CFAP74: variants seen among roughly 807,000 people sequenced by gnomAD.
CFAP74 encodes cilia- and flagella-associated protein 74.
A neutral mutation model predicts 188.9 loss-of-function variants in CFAP74; 124 were observed. The ratio of observed to expected loss-of-function variants is 0.66; its 90% CI spans 0.57 to 0.76. CFAP74 has a LOEUF of 0.76. Among genes scored for constraint, CFAP74 ranks in the 30% least tolerant of loss-of-function variants. The pLI, the probability that CFAP74 is intolerant of heterozygous loss-of-function variation, is 0.00. For missense variants in CFAP74, 2,198 were observed against 2,165.2 expected, an observed-to-expected ratio of 1.02 and a Z score of -0.30; for synonymous variants, 956 against 916.7, an observed-to-expected ratio of 1.04 and a Z score of -0.77.
chr1:2,003,144 C>T (rs1467542867), intron 1 of CFAP74, among the ~76,000 whole-genome samples: 2 of 152,138 alleles, frequency 1.3e-5, no homozygotes, highest in Non-Finnish European at 2.9e-5. Context: ...TATAACCAAT[C>T]TCTAAGTCGC....
chr1:1,946,279 C>T, intron 20 of CFAP74, 38 bp downstream of exon 20: 1 of 1,509,016 alleles, frequency 6.6e-7, no homozygotes, highest in Non-Finnish European at 8.9e-7. Flanking sequence ...GAGGCAGGGG[C>T]CAGGGTGTGT....
At position 1,970,726 on chromosome 1, in the gene CFAP74, G is replaced by A; in HGVS notation, c.979C>T (p.Gln327Ter). The A allele has an allele frequency of 6.2e-7, 1 of 1,614,142 alleles. No individual in the cohort carries two copies. The highest frequency in any genetic ancestry group is 8.5e-7 in the Non-Finnish European group (1 of 1,179,998). Residue 327 changes from glutamine (Q) to a stop codon, truncating the protein, a stop_gained, in exon 10 of 39, where the codon CAG becomes TAG. Transcript: ENST00000682832. LOFTEE classifies it high-confidence loss of function. ...AGGTGCCTGAATGCATCCCTGCCCT[G>A]GGCCAGAATCGCCTTCTTCTCAGCC... ...VQAEKKAILA[Q>*]GRDAFRHLVH...
chr1:1,924,875 C>T (rs1475262328), intron 33 of CFAP74, among the ~76,000 whole-genome samples: 1 of 152,276 alleles, frequency 6.6e-6, no homozygotes, highest in African/African-American at 2.4e-5. Flanking sequence ...TTAGAGCACC[C>T]TTTCTCCATG....
At chr1:1,948,105 T>TCAGG in intron 18 of CFAP74, among the ~76,000 whole-genome samples, 1 of 151,816 alleles carries the variant, frequency 6.6e-6, no homozygotes, top group African/African-American at 2.4e-5. Context: ...ACTCCTGACC[T>TCAGG]TGTGATCTGC....
chr1:1,930,406 G>GC (rs1231973375), intron 25 of CFAP74, 70 bp from the exon 26 acceptor site: 3 of 1,425,780 alleles, frequency 2.1e-6, no homozygotes, highest in African/African-American at 1.4e-5. Context: ...AGGCGCGGGG[G>GC]CCACTGGGTG....
intron 23 of CFAP74, 40 bp downstream of exon 23, chr1:1,940,276 A>C: frequency 6.8e-7 from 1 of 1,470,784 alleles, no homozygotes; most frequent in African/African-American, 1.4e-5. Context: ...CCTGCTACCC[A>C]GGAGCGCCCA....
At position 1,966,347 on chromosome 1, in the gene CFAP74, G is replaced by A. The variant is rs377223989; in HGVS notation, c.1401+24C>T. On this transcript the variant is annotated intron_variant, in intron 12 of 38. Transcript: ENST00000682832. ...AGAGGGCCGGGGTCCGTCTGCAAGC[G>A]TCTAAAGGAGCAGGAGCTGATACCT... 277 of 1,484,268 alleles carry A rather than the reference G, an allele frequency of 1.9e-4. 1 individual carries two copies. In the South Asian group the frequency reaches 3.1e-3, roughly 16 times the overall value. 91.9% of individuals were successfully genotyped at this position (1,484,268 alleles called of 1,614,324 possible). A position where few individuals can be genotyped will look rare whatever the true frequency, so the allele number is the denominator to read the frequency against.
intron 20 of CFAP74, among the ~76,000 whole-genome samples, chr1:1,944,871 G>T (rs545205320): frequency 6.6e-6 from 1 of 152,156 alleles, no homozygotes; most frequent in Non-Finnish European, 1.5e-5. Flanking sequence ...CTCCCAAAGT[G>T]CAGGGATTAC....
chr1:1,922,154 T>G lies in CFAP74; in HGVS notation c.*133A>C. ...GCAGCAGGAAGTGGCCGTGGCGCCA[T>G]GTGGAGGGCGGCCTATTGGAATCTG... is the stretch of plus-strand genomic sequence containing the variant. On this transcript the variant is annotated 3_prime_UTR_variant, in exon 39 of 39. Transcript: ENST00000682832. 2 of 621,052 alleles carry G rather than the reference T, an allele frequency of 3.2e-6. No individual in the cohort carries two copies. The highest frequency in any genetic ancestry group is 2.7e-6 in the Non-Finnish European group (1 of 368,134). The allele number at this position is 621,052 out of a possible 1,614,324, so 38.5% of individuals were successfully genotyped here.
chr1:1,959,140 A>G lies in CFAP74; in HGVS notation c.1831T>C (p.Cys611Arg). The G allele has an allele frequency of 1.9e-6, 3 of 1,611,534 alleles. No homozygotes were observed. The highest frequency in any genetic ancestry group is 1.1e-5 in the South Asian group (1 of 91,026). ...QTGEFSVPLKCSTKKCSLSLD... is the reference protein window; with the variant it reads ...QTGEFSVPLKRSTKKCSLSLD... Reference sequence around the variant, plus strand: ...CTCACCGAACATTTCTTTGTTGAACATTTCAGTGGAACTGAAAACTCGCCC... The same window carrying G: ...CTCACCGAACATTTCTTTGTTGAACGTTTCAGTGGAACTGAAAACTCGCCC... Residue 611 changes from cysteine to arginine, a missense_variant, in exon 16 of 39, where the codon TGT becomes CGT. Physicochemically the swap from Cys to Arg is radical, Grantham distance 180. Coordinates refer to ENST00000682832, the MANE Select transcript of CFAP74 (RefSeq NM_001304360.2).
At chr1:1,939,891 C>T (rs762016160) in intron 23 of CFAP74, 124 bp from the exon 24 acceptor site, 136 of 942,436 alleles carry the variant, frequency 1.4e-4, no homozygotes, top group Middle Eastern at 2.5e-4. Context: ...CAGGACACGA[C>T]GAGGCCGTCT....
chr1:1,940,935 A>AC (rs1225834801), intron 22 of CFAP74, among the ~76,000 whole-genome samples: 1 of 151,946 alleles, frequency 6.6e-6, no homozygotes, highest in East Asian at 1.9e-4. Flanking sequence ...ACACGGTGAA[A>AC]CCCCATCTCT....
In CFAP74 at chr1:1,923,162, AG is replaced by A; in HGVS notation, c.4523-18del. ...GGGAGCTGGCTGGAGGGGTGTGGCCAGGGGAGCTGTTCAGGGTCAGGCTGAG... is the reference window on the plus strand; with the variant it reads ...GGGAGCTGGCTGGAGGGGTGTGGCCAGGGAGCTGTTCAGGGTCAGGCTGAG... On this transcript the variant is annotated intron_variant, in intron 36 of 38. Coordinates refer to ENST00000682832, the MANE Select transcript of CFAP74 (RefSeq NM_001304360.2). The surrounding 1 kb of genome is among the most constrained non-coding windows in gnomAD (Gnocchi z 6.3). 6.3e-7 allele frequency: 1 copy of A among 1,597,984 alleles called. No individual in the cohort carries two copies. Among genetic ancestry groups the A allele is most frequent in the East Asian group, 2.2e-5 (1 of 44,534 alleles).
chr1:1,949,993 T>G (rs1654105214), intron 18 of CFAP74, among the ~76,000 whole-genome samples: 1 of 152,182 alleles, frequency 6.6e-6, no homozygotes, highest in East Asian at 1.9e-4. Flanking sequence ...ATACAGGTTT[T>G]TGCGGGAATT....
At chr1:1,965,149 G>A in intron 12 of CFAP74, 88 bp from the exon 13 acceptor site, 1 of 1,326,516 alleles carries the variant, frequency 7.5e-7, no homozygotes, top group Non-Finnish European at 1.0e-6. Context: ...GTAGCGGTTA[G>A]CAGAGCACGG....
chr1:1,971,633 CA>C (rs1382950527), intron 9 of CFAP74, among the ~76,000 whole-genome samples: 1 of 152,268 alleles, frequency 6.6e-6, no homozygotes, highest in Non-Finnish European at 1.5e-5. Flanking sequence ...CTCTTCCCTC[CA>C]TTTTCCCAGC....
chr1:1,928,659 T>TG, intron 27 of CFAP74, 125 bp downstream of exon 27: 1 of 655,180 alleles, frequency 1.5e-6, no homozygotes, highest in Non-Finnish European at 2.6e-6. Context: ...GTGCATTGCT[T>TG]GGGAAAGGTC....
chr1:1,955,612 G>A, intron 18 of CFAP74, 79 bp downstream of exon 18: 1 of 1,612,646 alleles, frequency 6.2e-7, no homozygotes, highest in Non-Finnish European at 8.5e-7. Context: ...CCCTCCCCTG[G>A]GCCCCTCAGC....
chr1:1,945,842 A>AGAAC (rs1553222920), intron 20 of CFAP74, among the ~76,000 whole-genome samples: 6 of 144,016 alleles, frequency 4.2e-5, no homozygotes, highest in Admixed American at 7.1e-5. Context: ...AAAAAAAAAA[A>AGAAC]AAAGAACAAA....
Sources: allele counts gnomAD v4.1 joint callset (sites outside exome capture counted in the v4.1 genomes callset), GRCh38; gene constraint gnomAD v4.1.1; non-coding constraint Gnocchi (gnomAD v3.1); transcripts MANE v1.5; gene names NCBI Gene and HGNC (gene_info 2026-07-23, HGNC 2026-07-21).